The following PARD3B variants were observed in gnomAD, a reference collection of about 807,000 sequenced individuals.
The protein encoded by PARD3B is par-3 family cell polarity regulator beta, also known as partitioning defective 3 homolog B.
In PARD3B, 103 loss-of-function variants were observed where a neutral mutation model predicts 130.2. The observed-to-expected ratio is 0.79, with a 90% CI of 0.67 to 0.93. The LOEUF is 0.93. PARD3B is among the 40% of genes least tolerant of loss of function. PARD3B has a pLI of 0.00. For missense variants in PARD3B, 1,609 were observed against 1,499.2 expected, an observed-to-expected ratio of 1.07 and a Z score of -1.21; for synonymous variants, 583 against 553.2, an observed-to-expected ratio of 1.05 and a Z score of -0.76.
intron 18 of PARD3B, among the ~76,000 whole-genome samples, chr2:205,339,156 T>C (rs1437381804): frequency 6.6e-6 from 1 of 152,222 alleles, no homozygotes. Flanking sequence ...TAGTATTTTT[T>C]TGTTTTGAAT....
At chr2:205,124,072 C>T (rs751046840) in intron 8 of PARD3B, among the ~76,000 whole-genome samples, 2 of 152,158 alleles carry the variant, frequency 1.3e-5, no homozygotes, top group Admixed American at 6.5e-5. Context: ...ATGTGCATTT[C>T]TTCTAGAACC....
At chr2:204,941,912 G>T (rs1259442407) in intron 2 of PARD3B, among the ~76,000 whole-genome samples, 2 of 151,960 alleles carry the variant, frequency 1.3e-5, no homozygotes, top group Non-Finnish European at 2.9e-5. Flanking sequence ...AGAATATTTG[G>T]TCTAAAAGGG....
intron 20 of PARD3B, among the ~76,000 whole-genome samples, chr2:205,451,105 G>A (rs1170624090): frequency 6.6e-6 from 1 of 152,160 alleles, no homozygotes; most frequent in Non-Finnish European, 1.5e-5. Context: ...GCCCATTAAG[G>A]AATTTAGATG....
chr2:204,845,937 A>T (rs2044446558), intron 2 of PARD3B, among the ~76,000 whole-genome samples: 1 of 152,130 alleles, frequency 6.6e-6, no homozygotes, highest in Admixed American at 6.6e-5. Flanking sequence ...ATATGATGAA[A>T]CACCATACGT....
intron 2 of PARD3B, among the ~76,000 whole-genome samples, chr2:204,742,244 G>A (rs144679364): frequency 7.2e-5 from 11 of 152,144 alleles, no homozygotes; most frequent in South Asian, 6.2e-4. Context: ...AACATTATAC[G>A]TATATGTATA....
At chr2:205,222,801 G>A (rs1300281020) in intron 15 of PARD3B, among the ~76,000 whole-genome samples, 2 of 152,058 alleles carry the variant, frequency 1.3e-5, no homozygotes, top group African/African-American at 2.4e-5. Flanking sequence ...CCAGAAATGA[G>A]CAGAGAATGA....
chr2:204,729,253 T>C (rs1396603459), intron 2 of PARD3B, among the ~76,000 whole-genome samples: 1 of 152,216 alleles, frequency 6.6e-6, no homozygotes, highest in Non-Finnish European at 1.5e-5. Context: ...AGCACTTGGC[T>C]CCTTTCATTG....
chr2:205,521,998 A>ATTAT (rs1032264410), intron 21 of PARD3B, among the ~76,000 whole-genome samples: 15 of 151,998 alleles, frequency 9.9e-5, no homozygotes, highest in Admixed American at 9.2e-4. Flanking sequence ...GGAAAAGGAG[A>ATTAT]TTATTTTTTT....
intron 2 of PARD3B, among the ~76,000 whole-genome samples, chr2:204,950,559 T>C (rs894801459): frequency 3.3e-5 from 5 of 152,132 alleles, no homozygotes; most frequent in African/African-American, 1.2e-4. Flanking sequence ...GAGGCTGCAT[T>C]CAGTTCCAGG....
At chr2:205,587,717 G>A (rs1353692013) in intron 22 of PARD3B, among the ~76,000 whole-genome samples, 3 of 152,032 alleles carry the variant, frequency 2.0e-5, no homozygotes, top group Non-Finnish European at 4.4e-5. Context: ...CTTCTACCAC[G>A]AACTCTACCC....
At chr2:205,328,274 A>C (rs1411992666) in intron 18 of PARD3B, among the ~76,000 whole-genome samples, 1 of 152,150 alleles carries the variant, frequency 6.6e-6, no homozygotes, top group African/African-American at 2.4e-5. Flanking sequence ...GATTGACATT[A>C]TATCATTATC....
At chr2:205,100,183 T>C (rs984285595) in intron 4 of PARD3B, among the ~76,000 whole-genome samples, 1 of 152,152 alleles carries the variant, frequency 6.6e-6, no homozygotes, top group Non-Finnish European at 1.5e-5. Context: ...TATGTTATTT[T>C]TCTACCTTGT....
intron 14 of PARD3B, among the ~76,000 whole-genome samples, chr2:205,190,805 G>A (rs1468887157): frequency 6.6e-6 from 1 of 152,076 alleles, no homozygotes; most frequent in Admixed American, 6.6e-5. Flanking sequence ...AATAAAGGTC[G>A]AATAACACAT....
chr2:205,442,875 T>G (rs1355867483), intron 20 of PARD3B, among the ~76,000 whole-genome samples: 1 of 152,242 alleles, frequency 6.6e-6, no homozygotes, highest in African/African-American at 2.4e-5. Flanking sequence ...TCCAGACATA[T>G]GTGTAAAAGA....
At chr2:205,526,849 G>A (rs2051362130) in intron 21 of PARD3B, among the ~76,000 whole-genome samples, 1 of 152,158 alleles carries the variant, frequency 6.6e-6, no homozygotes, top group Non-Finnish European at 1.5e-5. Flanking sequence ...GCCTCTGGGG[G>A]TGGAAGGGAG....
At chr2:205,214,628 A>G (rs965463555) in intron 15 of PARD3B, among the ~76,000 whole-genome samples, 1 of 152,062 alleles carries the variant, frequency 6.6e-6, no homozygotes, top group African/African-American at 2.4e-5. Context: ...CTGCAAAGCA[A>G]TTTTTGTATT....
At chr2:204,953,653 A>T (rs954034724) in intron 2 of PARD3B, among the ~76,000 whole-genome samples, 1 of 152,236 alleles carries the variant, frequency 6.6e-6, no homozygotes, top group Admixed American at 6.5e-5. Context: ...GTGGTAAAGT[A>T]CAAAAGTGGC....
chr2:204,936,213 C>T (rs548751375), intron 2 of PARD3B, among the ~76,000 whole-genome samples: 33 of 152,340 alleles, frequency 2.2e-4, no homozygotes, highest in East Asian at 5.8e-4. Context: ...ACCCAGTGCA[C>T]GGCATGGGCC....
intron 4 of PARD3B, among the ~76,000 whole-genome samples, chr2:205,053,320 TG>T (rs934196217): frequency 1.3e-5 from 2 of 151,938 alleles, no homozygotes; most frequent in Non-Finnish European, 2.9e-5. Flanking sequence ...AGAGGACTTT[TG>T]GTTGCAGGTT....
Sources: allele counts gnomAD v4.1 joint callset (sites outside exome capture counted in the v4.1 genomes callset), GRCh38; gene constraint gnomAD v4.1.1; transcripts MANE v1.5; gene names NCBI Gene and HGNC (gene_info 2026-07-23, HGNC 2026-07-21).